The following LARP1B variants were observed in gnomAD, a reference collection of about 807,000 sequenced individuals.
LARP1B encodes the protein la-related protein 1B.
In LARP1B, 76 loss-of-function variants were observed where a neutral mutation model predicts 114.2. That is an observed-to-expected ratio of 0.67 (90% CI 0.55 to 0.81). The LOEUF (loss-of-function observed/expected upper bound fraction) is 0.81. Ranked by LOEUF, LARP1B falls within the 30% of genes least tolerant of loss-of-function variation. The probability of loss-of-function intolerance (pLI) is 0.00; values close to 1 mark genes in which losing one functional copy is unlikely to be tolerated. For missense variants in LARP1B, 1,014 were observed against 1,075.8 expected (o/e 0.94, Z 0.80); for synonymous variants, 345 against 348.0 (o/e 0.99, Z 0.10).
chr4:128,113,095 C>T (rs571661989), intron 9 of LARP1B, among the ~76,000 whole-genome samples: 108 of 148,344 alleles, frequency 7.3e-4, no homozygotes, highest in Non-Finnish European at 1.4e-3. Context: ...AGTGAATTGA[C>T]TTAGAGGAGT....
chr4:128,074,628 T>A, intron 2 of LARP1B, 110 bp downstream of exon 2: 1 of 254,592 alleles, frequency 3.9e-6, no homozygotes. Flanking sequence ...TTATTGGTAT[T>A]AGATTAAAGT....
At chr4:128,081,077 C>CTTT (rs4000703) in intron 4 of LARP1B, among the ~76,000 whole-genome samples, 1 of 127,986 alleles carries the variant, frequency 7.8e-6, no homozygotes, top group African/African-American at 2.8e-5. Context: ...TGTATATATA[C>CTTT]TTTTTTTTTT....
At chr4:128,161,033 T>A in intron 11 of LARP1B, among the ~76,000 whole-genome samples, 1 of 152,246 alleles carries the variant, frequency 6.6e-6, no homozygotes. Context: ...TTAAACCCGC[T>A]TTGGATGTTG....
chr4:128,142,434 C>T (rs1201242967), intron 11 of LARP1B, among the ~76,000 whole-genome samples: 3 of 151,994 alleles, frequency 2.0e-5, no homozygotes, highest in African/African-American at 7.2e-5. Context: ...GAAACTGTGC[C>T]ATCAAAGTAC....
chr4:128,205,391 T>C (rs1362271589), intron 17 of LARP1B, among the ~76,000 whole-genome samples: 1 of 152,214 alleles, frequency 6.6e-6, no homozygotes, highest in Non-Finnish European at 1.5e-5. Context: ...GTCTTTTTGC[T>C]GCCATCTTAC....
At chr4:128,108,279 G>C in intron 9 of LARP1B, 1 of 1,051,370 alleles carries the variant, frequency 9.5e-7, no homozygotes, top group Non-Finnish European at 1.1e-6. Flanking sequence ...GATGAATAAA[G>C]CAGAAAAAGA....
intron 7 of LARP1B, among the ~76,000 whole-genome samples, chr4:128,092,193 T>C (rs1367491677): frequency 1.3e-4 from 20 of 152,170 alleles, no homozygotes. Context: ...TAGGTGTTTA[T>C]ATTAGAATTT....
At chr4:128,177,692 A>G (rs1213713544) in intron 13 of LARP1B, among the ~76,000 whole-genome samples, 3 of 152,192 alleles carry the variant, frequency 2.0e-5, no homozygotes, top group Non-Finnish European at 2.9e-5. Flanking sequence ...AGAATGTTGA[A>G]TTGGAATTCT....
chr4:128,178,852 G>A (rs1234204199), intron 14 of LARP1B, among the ~76,000 whole-genome samples: 2 of 152,118 alleles, frequency 1.3e-5, no homozygotes, highest in African/African-American at 4.8e-5. Context: ...CAACACTTTG[G>A]GAGACCGAGG....
intron 11 of LARP1B, among the ~76,000 whole-genome samples, chr4:128,140,156 G>A (rs193283198): frequency 6.6e-6 from 1 of 152,118 alleles, no homozygotes; most frequent in Non-Finnish European, 1.5e-5. Flanking sequence ...TGTAGTTATG[G>A]GAAATTTAAG....
intron 11 of LARP1B, among the ~76,000 whole-genome samples, chr4:128,137,479 A>G (rs964886188): frequency 6.6e-6 from 1 of 152,272 alleles, no homozygotes; most frequent in Admixed American, 6.5e-5. Flanking sequence ...TGCTGCTTAT[A>G]TGTGCTTTAT....
rs147884680 is a variant in LARP1B, at chr4:128,111,200, C to T, written c.989-3370C>T. On this transcript the variant is annotated intron_variant, in intron 9 of 19. Transcript: ENST00000326639. Reference sequence around the variant, plus strand: ...TAGCTGGGACTACAGGTGTGTGCTGCCACGCCCGGCTATTTTTTTGTATTT... The same window carrying T: ...TAGCTGGGACTACAGGTGTGTGCTGTCACGCCCGGCTATTTTTTTGTATTT... Among the ~76,000 whole-genome samples the T allele has an allele frequency of 5.2e-3, 797 of 152,092 alleles. 8 individuals are homozygous for T. Among genetic ancestry groups the T allele is most frequent in the African/African-American group, 0.015 (612 of 41,492 alleles).
downstream of LARP1B, among the ~76,000 whole-genome samples, chr4:128,213,509 T>TA (rs920324286): frequency 1.3e-5 from 2 of 152,160 alleles, no homozygotes; most frequent in Admixed American, 6.5e-5. Context: ...GGTAAAATTT[T>TA]AAAAAACTAT....
chr4:128,108,110 C>G, intron 9 of LARP1B: 1 of 1,355,380 alleles, frequency 7.4e-7, no homozygotes, highest in Non-Finnish European at 9.5e-7. Flanking sequence ...AGAGACAGAC[C>G]AGAGGACTGC....
At chr4:128,069,953 A>G (rs1764566203) in intron 1 of LARP1B, among the ~76,000 whole-genome samples, 1 of 152,194 alleles carries the variant, frequency 6.6e-6, no homozygotes, top group Non-Finnish European at 1.5e-5. Flanking sequence ...TACCATTTTA[A>G]GTAAGTTATA....
chr4:128,106,553 T>G (rs925330555), intron 8 of LARP1B, among the ~76,000 whole-genome samples: 1 of 151,990 alleles, frequency 6.6e-6, no homozygotes, highest in African/African-American at 2.4e-5. Flanking sequence ...GTAGTACATA[T>G]TGGGGAGGCA....
At chr4:128,111,392 C>T (rs977308196) in intron 9 of LARP1B, among the ~76,000 whole-genome samples, 3 of 151,926 alleles carry the variant, frequency 2.0e-5, no homozygotes, top group Non-Finnish European at 2.9e-5. Flanking sequence ...ATTGATAATT[C>T]ATAGTATTAG....
intron 15 of LARP1B, among the ~76,000 whole-genome samples, chr4:128,196,951 A>G (rs558413479): frequency 3.3e-4 from 51 of 152,308 alleles, no homozygotes; most frequent in Middle Eastern, 6.8e-3. Context: ...ACACAGAAGG[A>G]TAAATATTAT....
At chr4:128,100,181 C>T (rs902270442) in intron 8 of LARP1B, among the ~76,000 whole-genome samples, 4 of 151,084 alleles carry the variant, frequency 2.6e-5, no homozygotes, top group Non-Finnish European at 5.9e-5. Flanking sequence ...AGGCTGGTCT[C>T]GAACTCCTGA....
Sources: allele counts gnomAD v4.1 joint callset (sites outside exome capture counted in the v4.1 genomes callset), GRCh38; gene constraint gnomAD v4.1.1; transcripts MANE v1.5; gene names NCBI Gene and HGNC (gene_info 2026-07-23, HGNC 2026-07-21).